TBC1D19: variants seen among roughly 807,000 people sequenced by gnomAD.
TBC1D19 encodes the protein TBC1 domain family, member 19.
In TBC1D19, 60 loss-of-function variants were observed where a neutral mutation model predicts 89.0. That is an observed-to-expected ratio of 0.67 (90% CI 0.55 to 0.84). The LOEUF (loss-of-function observed/expected upper bound fraction) is 0.84. Among genes scored for constraint, TBC1D19 ranks in the 40% least tolerant of loss-of-function variants. The pLI, the probability that TBC1D19 is intolerant of heterozygous loss-of-function variation, is 0.00. For synonymous variants in TBC1D19, 189 were observed against 199.7 expected, an observed-to-expected ratio of 0.95 and a Z score of 0.45; for missense variants, 500 against 610.8, an observed-to-expected ratio of 0.82 and a Z score of 1.91.
At chr4:26,781,622 C>G in the TBC1D19 span, among the ~76,000 whole-genome samples, 1 of 152,148 alleles carries the variant, frequency 6.6e-6, no homozygotes, top group Non-Finnish European at 1.5e-5. Context: ...TTTGGTTCAG[C>G]CTTTAAGTCC....
chr4:26,753,609 G>T (rs1362954861), intron 19 of TBC1D19, among the ~76,000 whole-genome samples: 1 of 152,114 alleles, frequency 6.6e-6, no homozygotes, highest in Non-Finnish European at 1.5e-5. Context: ...CAAAACTGTG[G>T]TATTCAGTTT....
At chr4:26,688,445 T>C (rs769683452) in intron 13 of TBC1D19, 38 bp downstream of exon 13, 3 of 1,492,932 alleles carry the variant, frequency 2.0e-6, no homozygotes, top group African/African-American at 1.4e-5. Context: ...GTTCTTGTTT[T>C]AGGTTCTCTA....
At position 26,584,290 on chromosome 4, in the gene TBC1D19, TG is replaced by T. The variant is rs1739273549; in HGVS notation, c.99+1del. ...GTACTCTCAGCTGGAACGGCAGGCC[TG>T]GGTAAGTGAGGCCGAGTGGGAAGGG... is the stretch of plus-strand genomic sequence containing the variant. ...NLYSQLERQA[W>X]ASLQRPEIKL... On this transcript the variant is annotated frameshift_variant and splice_region_variant, in exon 1 of 21. Transcript: ENST00000264866. LOFTEE classifies it high-confidence loss of function. 2.5e-6 allele frequency: 4 copies of T among 1,608,116 alleles called. No homozygotes were observed. The highest frequency in any genetic ancestry group is 3.4e-6 in the Non-Finnish European group (4 of 1,177,694).
the TBC1D19 span, among the ~76,000 whole-genome samples, chr4:26,829,051 C>T: frequency 6.6e-6 from 1 of 152,326 alleles, no homozygotes; most frequent in African/African-American, 2.4e-5. Context: ...CTTGGGCATC[C>T]ACAGATGCCC....
At chr4:26,805,989 A>G in the TBC1D19 span, among the ~76,000 whole-genome samples, 319 of 151,920 alleles carry the variant, frequency 2.1e-3, no homozygotes, top group African/African-American at 7.3e-3. Flanking sequence ...AGGGAAAGAA[A>G]AAGTATCAGA....
chr4:26,820,748 C>T, the TBC1D19 span, among the ~76,000 whole-genome samples: 1 of 152,096 alleles, frequency 6.6e-6, no homozygotes, highest in East Asian at 1.9e-4. Context: ...TTTTGAGGAA[C>T]CTCCATGCTG....
intron 3 of TBC1D19, among the ~76,000 whole-genome samples, chr4:26,615,277 C>A (rs961240409): frequency 2.6e-5 from 4 of 151,802 alleles, no homozygotes; most frequent in Non-Finnish European, 4.4e-5. Context: ...AAATGTAGAC[C>A]CAGAATGTTA....
At chr4:26,608,704 A>G (rs1741159242) in intron 1 of TBC1D19, among the ~76,000 whole-genome samples, 1 of 152,210 alleles carries the variant, frequency 6.6e-6, no homozygotes, top group African/African-American at 2.4e-5. Context: ...TTTACTTTTG[A>G]TTTAGTACAT....
intron 13 of TBC1D19, among the ~76,000 whole-genome samples, chr4:26,710,327 T>C (rs1399005302): frequency 7.9e-5 from 12 of 152,132 alleles, no homozygotes; most frequent in African/African-American, 2.4e-4. Flanking sequence ...TGATGGTTTC[T>C]AGCTTCATCC....
chr4:26,677,791 C>A (rs1168650027), intron 11 of TBC1D19, among the ~76,000 whole-genome samples: 2 of 152,136 alleles, frequency 1.3e-5, no homozygotes, highest in African/African-American at 4.8e-5. Context: ...GGGGTTTCCC[C>A]CTTTACTGGG....
chr4:26,649,482 A>G (rs950160799), intron 7 of TBC1D19, among the ~76,000 whole-genome samples: 3 of 152,134 alleles, frequency 2.0e-5, no homozygotes, highest in Admixed American at 1.3e-4. Context: ...TTATTACCCA[A>G]AAAAGAAACC....
At chr4:26,735,246 G>C (rs1717972648) in intron 15 of TBC1D19, among the ~76,000 whole-genome samples, 1 of 151,342 alleles carries the variant, frequency 6.6e-6, no homozygotes, top group Admixed American at 6.6e-5. Context: ...ATGTTAACTG[G>C]ATATATGTTT....
the TBC1D19 span, among the ~76,000 whole-genome samples, chr4:26,824,243 G>A: frequency 3.9e-5 from 6 of 152,204 alleles, no homozygotes; most frequent in Admixed American, 3.9e-4. Context: ...GAAGGACCAA[G>A]TTCTAGCAAC....
At chr4:26,630,142 A>T (rs535606709) in intron 4 of TBC1D19, among the ~76,000 whole-genome samples, 13 of 151,906 alleles carry the variant, frequency 8.6e-5, no homozygotes, top group South Asian at 4.2e-4. Flanking sequence ...ATACTAATTT[A>T]AAAAAATTAG....
the TBC1D19 span, among the ~76,000 whole-genome samples, chr4:26,798,515 A>T: frequency 6.6e-6 from 1 of 152,186 alleles, no homozygotes; most frequent in Non-Finnish European, 1.5e-5. Flanking sequence ...AACTAAAAAC[A>T]GAACTACCAG....
rs575539123 is a variant in TBC1D19, at chr4:26,645,046, G to C, written c.480+4859G>C. ...AAGAACATTCCATGCTCATGGATAG[G>C]AAGAATCAAAATCGTGAAAATGGCC... On this transcript the variant is annotated intron_variant, in intron 7 of 20. Transcript: ENST00000264866. Among the ~76,000 whole-genome samples the C allele has an allele frequency of 3.4e-4, 52 of 152,094 alleles. 1 individual carries two copies. The highest frequency in any genetic ancestry group is 9.9e-4 in the African/African-American group (41 of 41,434).
chr4:26,672,317 A>G (rs1712389059), intron 10 of TBC1D19, 130 bp downstream of exon 10: 2 of 702,476 alleles, frequency 2.8e-6, no homozygotes, highest in Non-Finnish European at 4.1e-6. Context: ...GGTAATATTT[A>G]ACCATGTAGA....
rs958642476 is a variant in TBC1D19, at chr4:26,628,893, A to G, written c.294+8205A>G. On this transcript the variant is annotated intron_variant, in intron 4 of 20. Coordinates refer to ENST00000264866, the MANE Select transcript of TBC1D19 (RefSeq NM_018317.4). ...ACAAATGGAAGAACATTCCATGCTC[A>G]TGGGTAGGAAGAATCAATATCATGA... Among the ~76,000 whole-genome samples, 5 of 152,084 alleles carry G rather than the reference A, an allele frequency of 3.3e-5. No homozygotes were observed. In the East Asian group the frequency reaches 9.6e-4, roughly 29 times the overall value.
chr4:26,743,689 A>G lies in TBC1D19; in HGVS notation c.1319+1090A>G, dbSNP rs138750293. ...TAATACCTCATATCATCCATTGATA[A>G]TACTGAGTGGATACCCTTTCCTTTA... On this transcript the variant is annotated intron_variant, in intron 18 of 20. Transcript: ENST00000264866. Among the ~76,000 whole-genome samples the G allele has an allele frequency of 1.0e-3, 159 of 152,110 alleles. No individual in the cohort carries two copies. In the Middle Eastern group the frequency reaches 0.022, roughly 21 times the overall value.
Sources: allele counts gnomAD v4.1 joint callset (sites outside exome capture counted in the v4.1 genomes callset), GRCh38; gene constraint gnomAD v4.1.1; transcripts MANE v1.5; gene names NCBI Gene and HGNC (gene_info 2026-07-23, HGNC 2026-07-21).